Variants in PPP1R1C observed in about 807,000 individuals in gnomAD.
PPP1R1C encodes protein phosphatase 1 regulatory inhibitor subunit 1C, also known as protein phosphatase 1 regulatory subunit 1C.
A neutral mutation model predicts 17.4 loss-of-function variants in PPP1R1C; 15 were observed. That is an observed-to-expected ratio of 0.86 (90% confidence interval 0.58 to 1.33). The LOEUF (loss-of-function observed/expected upper bound fraction) is 1.33, where lower values mean the gene tolerates loss of function less well. Ranked by LOEUF, PPP1R1C falls within the 40% of genes most tolerant of loss-of-function variation. PPP1R1C has a pLI of 0.00. For synonymous variants in PPP1R1C, 35 were observed against 43.1 expected (o/e 0.81, Z 0.73); for missense variants, 143 against 130.0 (o/e 1.10, Z -0.48).
At chr2:182,004,618 C>T (rs1031443886) in intron 2 of PPP1R1C, among the ~76,000 whole-genome samples, 4 of 152,150 alleles carry the variant, frequency 2.6e-5, no homozygotes, top group Admixed American at 1.3e-4. Context: ...CATGGTGTGC[C>T]ATTAGGTGGA....
chr2:182,096,522 G>T (rs1056443156), intron 4 of PPP1R1C, among the ~76,000 whole-genome samples: 4 of 152,018 alleles, frequency 2.6e-5, no homozygotes, highest in African/African-American at 9.7e-5. Context: ...TGATCTGGTG[G>T]CTCCGACTCC....
chr2:182,060,581 A>G (rs1055050410), intron 2 of PPP1R1C, among the ~76,000 whole-genome samples: 2 of 152,132 alleles, frequency 1.3e-5, no homozygotes, highest in Non-Finnish European at 2.9e-5. Context: ...AAATAAAAAT[A>G]CCATTCATTT....
chr2:181,986,669 T>C (rs1185159789), intron 1 of PPP1R1C, among the ~76,000 whole-genome samples: 1 of 152,210 alleles, frequency 6.6e-6, no homozygotes, highest in African/African-American at 2.4e-5. Flanking sequence ...AAACAATGAT[T>C]ATAAGTTTAT....
chr2:182,119,438 G>A (rs1689675458), downstream of PPP1R1C, among the ~76,000 whole-genome samples: 1 of 152,136 alleles, frequency 6.6e-6, no homozygotes, highest in African/African-American at 2.4e-5. Flanking sequence ...GGATGGCTGG[G>A]TCAAATGGTA....
chr2:182,096,777 C>CT (rs1688953340), intron 4 of PPP1R1C, among the ~76,000 whole-genome samples: 3 of 152,122 alleles, frequency 2.0e-5, no homozygotes, highest in African/African-American at 7.2e-5. Context: ...CTAATTTTGC[C>CT]ACCCACACAC....
rs997039925 is a variant in PPP1R1C at position 182,030,435 on chromosome 2, AG to A, written c.143-31005del. ...TTTGTTAGTTTTCCTTCTAACAGAC[AG>A]GACCCTCAGCTGCAGGTCTGTTGGA... On this transcript the variant is annotated intron_variant, in intron 2 of 4. Transcript: ENST00000682840. Among the ~76,000 whole-genome samples, 46 of 151,240 alleles carry A rather than the reference AG, an allele frequency of 3.0e-4. 1 individual carries two copies. Among genetic ancestry groups the A allele is most frequent in the Admixed American group, 2.5e-3 (38 of 15,194 alleles).
chr2:182,043,162 T>G (rs1687236317), intron 2 of PPP1R1C, among the ~76,000 whole-genome samples: 1 of 152,176 alleles, frequency 6.6e-6, no homozygotes, highest in Admixed American at 6.5e-5. Flanking sequence ...TTTAGATGAA[T>G]GCAAAATGCA....
intron 4 of PPP1R1C, among the ~76,000 whole-genome samples, chr2:182,089,960 T>C (rs957199388): frequency 6.6e-6 from 1 of 152,060 alleles, no homozygotes; most frequent in Non-Finnish European, 1.5e-5. Flanking sequence ...TAAATGCTTA[T>C]AATATATTAT....
In PPP1R1C at chr2:181,961,918, C is replaced by T. The variant is rs1482869615; in HGVS notation, n.111+7284C>T. 1 of 746,890 alleles carries T rather than the reference C, an allele frequency of 1.3e-6. No homozygotes were observed. Among genetic ancestry groups the T allele is most frequent in the East Asian group, 2.6e-5 (1 of 38,872 alleles). 46.3% of individuals were successfully genotyped at this position (746,890 alleles called of 1,614,324 possible). ...CCAAGTGACATTGGTCATCAGTGACCTTGTGGAGCCCATGGATGTCACTCC... is the reference window on the plus strand; with the variant it reads ...CCAAGTGACATTGGTCATCAGTGACTTTGTGGAGCCCATGGATGTCACTCC... On this transcript the variant is annotated intron_variant and non_coding_transcript_variant, in intron 1 of 5. Coordinates refer to the PPP1R1C transcript ENST00000464264. The surrounding 1 kb of genome is among the most constrained non-coding windows in gnomAD (Gnocchi z 5.8).
At chr2:182,026,931 T>C (rs1686634621) in intron 2 of PPP1R1C, among the ~76,000 whole-genome samples, 1 of 138,178 alleles carries the variant, frequency 7.2e-6, no homozygotes, top group Non-Finnish European at 1.6e-5. Context: ...TTCACATCCC[T>C]TGTAAGTTGG....
chr2:182,025,778 C>T (rs1394326521), intron 2 of PPP1R1C, among the ~76,000 whole-genome samples: 3 of 144,716 alleles, frequency 2.1e-5, no homozygotes, highest in Non-Finnish European at 4.5e-5. Flanking sequence ...CCTGAGGAGT[C>T]GCCACACTGA....
chr2:181,987,968 T>C (rs1423545479), intron 2 of PPP1R1C, 69 bp downstream of exon 2: 6 of 1,321,802 alleles, frequency 4.5e-6, no homozygotes, highest in Admixed American at 2.2e-5. Flanking sequence ...TCAAAGTACA[T>C]GTCGTACTGA....
chr2:182,066,840 A>T (rs115117861), intron 4 of PPP1R1C, among the ~76,000 whole-genome samples: 1,924 of 152,206 alleles, frequency 0.013, 27 homozygotes, highest in Middle Eastern at 0.037. Flanking sequence ...AATTTACAGA[A>T]CAGCCAATTA....
At chr2:182,117,975 TAAGA>T (rs1456432086), downstream of PPP1R1C, 3 of 152,180 alleles carry the variant, frequency 2.0e-5, no homozygotes, top group African/African-American at 7.2e-5. Flanking sequence ...CTCTAGTTAT[TAAGA>T]AAGAAGAATG....
At chr2:182,073,575 T>C (rs1411569141) in intron 4 of PPP1R1C, among the ~76,000 whole-genome samples, 1 of 152,188 alleles carries the variant, frequency 6.6e-6, no homozygotes, top group Non-Finnish European at 1.5e-5. Flanking sequence ...GAAAGTTATT[T>C]AAAAAATTGT....
At chr2:182,035,557 A>G (rs1391178971) in intron 2 of PPP1R1C, among the ~76,000 whole-genome samples, 1 of 152,152 alleles carries the variant, frequency 6.6e-6, no homozygotes, top group African/African-American at 2.4e-5. Flanking sequence ...TGATTGAATC[A>G]TGGGGGTGGT....
chr2:182,097,400 A>C (rs1397278379), intron 4 of PPP1R1C, among the ~76,000 whole-genome samples: 2 of 152,226 alleles, frequency 1.3e-5, no homozygotes, highest in South Asian at 2.1e-4. Context: ...TATAGAAAAC[A>C]TAAGTATTGG....
chr2:181,988,512 G>T (rs1471974457), intron 2 of PPP1R1C, among the ~76,000 whole-genome samples: 2 of 152,192 alleles, frequency 1.3e-5, no homozygotes, highest in Non-Finnish European at 2.9e-5. Flanking sequence ...ACTATGATCT[G>T]TAATCCACAA....
intron 4 of PPP1R1C, among the ~76,000 whole-genome samples, chr2:182,101,875 G>C (rs927630072): frequency 6.6e-6 from 1 of 152,144 alleles, no homozygotes; most frequent in Non-Finnish European, 1.5e-5. Context: ...GAGGAGACTA[G>C]AAGAGAGCAG....
Sources: gnomAD v4.1 joint callset for allele counts (sites outside exome capture counted in the v4.1 genomes callset) on GRCh38, gnomAD v4.1.1 for gene constraint, Gnocchi (gnomAD v3.1) non-coding constraint, MANE v1.5 for transcripts, NCBI Gene and HGNC (gene_info 2026-07-23, HGNC 2026-07-21) for gene names.